The following CEP250 variants were observed in gnomAD, a reference collection of about 807,000 sequenced individuals.
CEP250 encodes centrosome-associated protein CEP250.
A neutral mutation model predicts 315.7 loss-of-function variants in CEP250; 242 were observed. The ratio of observed to expected loss-of-function variants is 0.77; its 90% CI spans 0.69 to 0.85. The LOEUF is 0.85. Among genes scored for constraint, CEP250 ranks in the 40% least tolerant of loss-of-function variants. The probability of loss-of-function intolerance (pLI) is 0.00; values close to 1 mark genes in which losing one functional copy is unlikely to be tolerated. For synonymous variants in CEP250, 1,088 were observed against 1,175.0 expected (o/e 0.93, Z 1.51); for missense variants, 2,515 against 2,886.4 (o/e 0.87, Z 2.95).
At chr20:35,458,906 T>A (rs1038459249) in intron 2 of CEP250, among the ~76,000 whole-genome samples, 3 of 151,716 alleles carry the variant, frequency 2.0e-5, no homozygotes, top group African/African-American at 7.3e-5. Context: ...TACAGAGAGT[T>A]CCTGTATACC....
intron 9 of CEP250, among the ~76,000 whole-genome samples, chr20:35,468,426 A>G (rs1200291299): frequency 6.6e-6 from 1 of 152,110 alleles, no homozygotes; most frequent in Non-Finnish European, 1.5e-5. Flanking sequence ...GTAGGTTTTT[A>G]AAAAATAATG....
intron 20 of CEP250, 50 bp from the exon 21 acceptor site, chr20:35,490,587 C>T: frequency 6.4e-7 from 1 of 1,567,172 alleles, no homozygotes; most frequent in South Asian, 1.2e-5. Context: ...GTACCCCTGC[C>T]TCCCCTCCTC....
In CEP250 at chr20:35,517,102, C is replaced by G. The variant is rs754085035; in HGVS notation, c.*5476C>G. ...TGGCCTCCATCCCTTCCTCAACCGT[C>G]CGCAGAACACCTCCTTCCAGCACCT... On this transcript the variant is annotated 3_prime_UTR_variant, in exon 35 of 35. Coordinates refer to ENST00000397527, the MANE Select transcript of CEP250 (RefSeq NM_007186.6). 3.8e-5 allele frequency: 30 copies of G among 790,732 alleles called. No individual in the cohort carries two copies. The highest frequency in any genetic ancestry group is 4.3e-5 in the Non-Finnish European group (28 of 652,274). The allele number at this position is 790,732 out of a possible 1,614,324, so 49.0% of individuals were successfully genotyped here.
chr20:35,496,808 G>A, intron 25 of CEP250, 93 bp downstream of exon 25: 1 of 1,381,710 alleles, frequency 7.2e-7, no homozygotes, highest in Non-Finnish European at 9.7e-7. Context: ...TCATGGAGAG[G>A]ACCCATCTAT....
rs1392667578 is a variant in CEP250 at position 35,490,822 on chromosome 20, T to C, written c.2754+18T>C. 1 of 1,610,404 alleles carries C rather than the reference T, an allele frequency of 6.2e-7. No homozygotes were observed. Among genetic ancestry groups the C allele is most frequent in the Non-Finnish European group, 8.5e-7 (1 of 1,179,330 alleles). Reference sequence around the variant, plus strand: ...TATGCCAGGTGGGAAGCTAGGAGGATTGGAGCTGCACGTCCAGTCAGCGAT... The same window carrying C: ...TATGCCAGGTGGGAAGCTAGGAGGACTGGAGCTGCACGTCCAGTCAGCGAT... On this transcript the variant is annotated intron_variant, in intron 21 of 34. Coordinates refer to ENST00000397527, the MANE Select transcript of CEP250 (RefSeq NM_007186.6).
In CEP250 at chr20:35,472,795, G is replaced by A. The variant is rs1457147440; in HGVS notation, c.1173G>A (p.Val391=). 1 of 1,614,160 alleles carries A rather than the reference G, an allele frequency of 6.2e-7. No individual in the cohort carries two copies. The highest frequency in any genetic ancestry group is 8.5e-7 in the Non-Finnish European group (1 of 1,180,028). The change falls in exon 12 of 35, where the codon GTG becomes GTA. Residue 391 remains valine, a synonymous_variant. Transcript: ENST00000397527. The part of the protein sequence containing the change: ...YQDADKALTL[V]RSVLTRRRQA... The stretch of plus-strand genomic sequence containing the variant: ...ATGCAGACAAGGCTCTTACTCTGGT[G>A]CGTTCAGTGCTGACTCGGAGACGCC...
In CEP250 at chr20:35,511,924, C is replaced by T; in HGVS notation, c.*298C>T. 8.5e-7 allele frequency: 1 copy of T among 1,182,962 alleles called. No individual in the cohort carries two copies. The highest frequency in any genetic ancestry group is 1.0e-6 in the Non-Finnish European group (1 of 955,222). The allele number at this position is 1,182,962 out of a possible 1,614,324, so 73.3% of individuals were successfully genotyped here. A position where few individuals can be genotyped will look rare whatever the true frequency, so the allele number is the denominator to read the frequency against. On this transcript the variant is annotated 3_prime_UTR_variant, in exon 35 of 35. Coordinates refer to ENST00000397527, the MANE Select transcript of CEP250 (RefSeq NM_007186.6). ...AGAATTTATTTTCCTAGCACTTCAC[C>T]ACCTCCTTCATCTTCTCCTTCAACA...
intron 14 of CEP250, chr20:35,474,720 G>A (rs949293632): frequency 2.2e-6 from 1 of 461,950 alleles, no homozygotes. Context: ...GAGCTAGGCA[G>A]AAGCTTAGTT....
In CEP250 at chr20:35,511,822, T is replaced by C. The variant is rs1444857952; in HGVS notation, c.*196T>C. On this transcript the variant is annotated 3_prime_UTR_variant, in exon 35 of 35. Transcript: ENST00000397527. The stretch of plus-strand genomic sequence containing the variant: ...CAACTCACCTGGGAATGAGGCAAAT[T>C]GCATTTGCTTGCTCCCTATGGAATC... The C allele has an allele frequency of 7.1e-7, 1 of 1,407,376 alleles. No homozygotes were observed. The highest frequency in any genetic ancestry group is 2.5e-5 in the East Asian group (1 of 39,270). The allele number at this position is 1,407,376 out of a possible 1,614,324, so 87.2% of individuals were successfully genotyped here.
At position 35,502,889 on chromosome 20, in the gene CEP250, G is replaced by A; in HGVS notation, c.4520G>A (p.Arg1507Lys). The A allele has an allele frequency of 1.2e-6, 2 of 1,614,234 alleles. No individual in the cohort carries two copies. The highest frequency in any genetic ancestry group is 1.7e-6 in the Non-Finnish European group (2 of 1,180,042). ...QEREQKLTVQREQIRELEKDR... is the reference protein window; with the variant it reads ...QEREQKLTVQKEQIRELEKDR... ...CGAGAGCAGAAGCTGACTGTGCAGA[G>A]GGAGCAGATCAGAGAGCTCGAGAAG... The change falls in exon 30 of 35, where the codon AGG becomes AAG. Residue 1507 changes from arginine to lysine, a missense_variant. By Grantham distance (26) the Arg-to-Lys change is conservative (BLOSUM62 2). Transcript: ENST00000397527.
chr20:35,509,954 G>A, intron 33 of CEP250, 44 bp from the exon 34 acceptor site: 2 of 1,580,322 alleles, frequency 1.3e-6, no homozygotes, highest in South Asian at 1.1e-5. Context: ...AAACCCCAGA[G>A]TGGGAAGGCC....
chr20:35,464,930 G>GA (rs1257666557), intron 5 of CEP250, among the ~76,000 whole-genome samples: 2 of 151,700 alleles, frequency 1.3e-5, no homozygotes, highest in African/African-American at 2.4e-5. Context: ...AAAAAGAAAA[G>GA]AAAAAAAGAA....
At chr20:35,482,813 C>T (rs1027597544) in intron 20 of CEP250, among the ~76,000 whole-genome samples, 2 of 152,018 alleles carry the variant, frequency 1.3e-5, no homozygotes, top group African/African-American at 2.4e-5. Flanking sequence ...CCACCCACCT[C>T]GGCCTCCCAA....
chr20:35,509,168 T>A, intron 33 of CEP250, 124 bp downstream of exon 33: 2 of 745,192 alleles, frequency 2.7e-6, no homozygotes, highest in South Asian at 1.7e-5. Flanking sequence ...CCCTCCTGAC[T>A]GCATTCTGCC....
intron 4 of CEP250, 31 bp downstream of exon 4, chr20:35,462,584 A>G: frequency 4.5e-6 from 7 of 1,552,776 alleles, no homozygotes; most frequent in Non-Finnish European, 6.1e-6. Flanking sequence ...GGGAGGGGAA[A>G]GAGAACAACC....
At chr20:35,477,583 A>C (rs73903075) in intron 16 of CEP250, among the ~76,000 whole-genome samples, 1 of 152,146 alleles carries the variant, frequency 6.6e-6, no homozygotes, top group Admixed American at 6.5e-5. Flanking sequence ...TAGCGAGGGA[A>C]CCTCCTTGCA....
At chr20:35,471,798 C>G (rs568279888) in intron 10 of CEP250, among the ~76,000 whole-genome samples, 1 of 152,322 alleles carries the variant, frequency 6.6e-6, no homozygotes, top group South Asian at 2.1e-4. Context: ...GTGATAGAAG[C>G]TAGTAAGTGA....
At chr20:35,456,443 T>G (rs1349273195) in intron 1 of CEP250, among the ~76,000 whole-genome samples, 1 of 152,196 alleles carries the variant, frequency 6.6e-6, no homozygotes, top group Non-Finnish European at 1.5e-5. Flanking sequence ...GAGGCTAGGC[T>G]TGTGATCAGT....
rs920407741 is a variant in CEP250, at chr20:35,514,189, C to G, written c.*2563C>G. ...CCTAAGGGCATGAGGCCGGAGCCTC[C>G]TTTCCTGACCTTGTCACATGTGGCA... On this transcript the variant is annotated 3_prime_UTR_variant, in exon 35 of 35. Coordinates refer to ENST00000397527, the MANE Select transcript of CEP250 (RefSeq NM_007186.6). 2.6e-5 allele frequency: 4 copies of G among 152,300 alleles called. No individual in the cohort carries two copies. The highest frequency in any genetic ancestry group is 2.0e-4 in the Admixed American group (3 of 15,290). The allele number at this position is 152,300 out of a possible 1,614,324, so 9.4% of individuals were successfully genotyped here. A position where few individuals can be genotyped will look rare whatever the true frequency, so the allele number is the denominator to read the frequency against.
Sources: allele counts gnomAD v4.1 joint callset (sites outside exome capture counted in the v4.1 genomes callset), GRCh38; gene constraint gnomAD v4.1.1; transcripts MANE v1.5; gene names NCBI Gene and HGNC (gene_info 2026-07-23, HGNC 2026-07-21).